FBXW10B: variants seen among roughly 807,000 people sequenced by gnomAD.
The protein encoded by FBXW10B is F-box and WD repeat domain containing protein 10B.
chr17:15,594,682 A>G, the FBXW10B span: 8 of 1,540,484 alleles, frequency 5.2e-6, no homozygotes, highest in Admixed American at 1.4e-4. Context: ...CAATGATTGC[A>G]GTCTAGGCTA....
At chr17:15,617,033 G>A in the FBXW10B span, among the ~76,000 whole-genome samples, 1 of 152,110 alleles carries the variant, frequency 6.6e-6, no homozygotes, top group Non-Finnish European at 1.5e-5. Flanking sequence ...TTCAGCCCAC[G>A]TGGTGGGTGA....
At chr17:15,610,513 T>A in the FBXW10B span, among the ~76,000 whole-genome samples, 1 of 152,202 alleles carries the variant, frequency 6.6e-6, no homozygotes, top group Non-Finnish European at 1.5e-5. Flanking sequence ...ACTGTTTTAC[T>A]TGGGCCCACT....
chr17:15,596,166 G>A, the FBXW10B span, among the ~76,000 whole-genome samples: 1 of 152,030 alleles, frequency 6.6e-6, no homozygotes, highest in Non-Finnish European at 1.5e-5. Context: ...GATTACAGGT[G>A]TGAGCCACTG....
the FBXW10B span, among the ~76,000 whole-genome samples, chr17:15,601,223 C>A: frequency 6.8e-6 from 1 of 147,764 alleles, no homozygotes; most frequent in East Asian, 2.0e-4. Context: ...TCCTGGCTAA[C>A]ACGGTGAAAC....
At chr17:15,578,403 T>A in the FBXW10B span, among the ~76,000 whole-genome samples, 1 of 151,674 alleles carries the variant, frequency 6.6e-6, no homozygotes, top group Non-Finnish European at 1.5e-5. Flanking sequence ...TTTCCCAGCT[T>A]CATTCTTTAT....
At chr17:15,612,590 C>A in the FBXW10B span, 2 of 1,482,424 alleles carry the variant, frequency 1.3e-6, no homozygotes, top group Non-Finnish European at 1.8e-6. Flanking sequence ...AGGAGTGTCA[C>A]CTGCCGTGAT....
the FBXW10B span, among the ~76,000 whole-genome samples, chr17:15,618,552 G>T: frequency 1.5e-5 from 2 of 131,294 alleles, no homozygotes; most frequent in African/African-American, 2.8e-5. Context: ...ATGGTAGAGT[G>T]AATGAAAAAA....
the FBXW10B span, among the ~76,000 whole-genome samples, chr17:15,608,104 CAG>C: frequency 6.3e-4 from 96 of 151,686 alleles, no homozygotes; most frequent in Non-Finnish European, 1.0e-3. Context: ...AAAGCACACT[CAG>C]GGGATTTTAA....
chr17:15,616,816 A>G, the FBXW10B span, among the ~76,000 whole-genome samples: 1 of 146,614 alleles, frequency 6.8e-6, no homozygotes, highest in African/African-American at 2.6e-5. Flanking sequence ...TGTCTCAAAA[A>G]AAAAAAAAAA....
the FBXW10B span, among the ~76,000 whole-genome samples, chr17:15,615,375 G>C: frequency 7.5e-6 from 1 of 132,776 alleles, no homozygotes; most frequent in Non-Finnish European, 1.5e-5. Context: ...AGGCTGGAGT[G>C]CAGTGGCATG....
the FBXW10B span, among the ~76,000 whole-genome samples, chr17:15,596,089 T>G: frequency 1.3e-5 from 2 of 152,178 alleles, no homozygotes; most frequent in African/African-American, 4.8e-5. Flanking sequence ...GGTTTCACTA[T>G]GTTCGTCAGG....
At chr17:15,588,925 C>A in the FBXW10B span, 22 of 1,613,798 alleles carry the variant, frequency 1.4e-5, no homozygotes, top group South Asian at 2.2e-5. Context: ...GGGGGTGAAT[C>A]CACTCACAGG....
At chr17:15,592,867 G>T in the FBXW10B span, among the ~76,000 whole-genome samples, 1 of 152,150 alleles carries the variant, frequency 6.6e-6, no homozygotes, top group Non-Finnish European at 1.5e-5. Flanking sequence ...CGCTTTGGGA[G>T]GCCGTGACGG....
chr17:15,594,819 A>G, the FBXW10B span: 5 of 1,614,036 alleles, frequency 3.1e-6, no homozygotes, highest in Non-Finnish European at 4.2e-6. Context: ...CCAGGCCATC[A>G]GTGCTTCCTG....
the FBXW10B span, among the ~76,000 whole-genome samples, chr17:15,595,533 T>G: frequency 1.3e-4 from 19 of 151,974 alleles, no homozygotes; most frequent in African/African-American, 4.1e-4. Flanking sequence ...TCACTGTCCT[T>G]TGCTGTGAGA....
chr17:15,596,165 T>A, the FBXW10B span, among the ~76,000 whole-genome samples: 1 of 151,886 alleles, frequency 6.6e-6, no homozygotes, highest in Non-Finnish European at 1.5e-5. Flanking sequence ...GGATTACAGG[T>A]GTGAGCCACT....
chr17:15,583,102 A>C, the FBXW10B span, among the ~76,000 whole-genome samples: 2 of 149,106 alleles, frequency 1.3e-5, no homozygotes, highest in South Asian at 4.3e-4. Context: ...CCACTTTTTA[A>C]AATCTGGAAG....
the FBXW10B span, among the ~76,000 whole-genome samples, chr17:15,602,289 T>A: frequency 6.6e-6 from 1 of 151,974 alleles, no homozygotes; most frequent in African/African-American, 2.4e-5. Context: ...CATGCACATA[T>A]GGGAAATTTC....
the FBXW10B span, chr17:15,614,108 CA>C: frequency 1.3e-6 from 2 of 1,492,248 alleles, no homozygotes; most frequent in East Asian, 4.7e-5. Flanking sequence ...AAGTCCCCAC[CA>C]AAAGCTCTCC....
Sources: allele counts gnomAD v4.1 joint callset (sites outside exome capture counted in the v4.1 genomes callset), GRCh38; gene constraint gnomAD v4.1.1; transcripts MANE v1.5; gene names NCBI Gene and HGNC (gene_info 2026-07-23, HGNC 2026-07-21).